Variants in ERG observed in about 807,000 individuals in gnomAD.
ERG encodes ETS transcription factor ERG, also known as transcriptional regulator ERG.
Under a neutral mutation model 55.3 loss-of-function variants are expected in ERG, and 9 were observed. The ratio of observed to expected loss-of-function variants is 0.16; its 90% CI spans 0.10 to 0.28. ERG has a LOEUF of 0.28. Among genes scored for constraint, ERG ranks in the 10% least tolerant of loss-of-function variants. ERG has a pLI of 1.00. For synonymous variants in ERG, 223 were observed against 237.3 expected (o/e 0.94, Z 0.55); for missense variants, 434 against 631.6 (o/e 0.69, Z 3.35).
intron 1 of ERG, among the ~76,000 whole-genome samples, chr21:38,493,878 A>G (rs957411743): frequency 1.7e-4 from 26 of 152,232 alleles, no homozygotes; most frequent in African/African-American, 6.3e-4. Context: ...ACATCAGAGC[A>G]GTCTATGGCT....
intron 3 of ERG, among the ~76,000 whole-genome samples, chr21:38,415,575 A>G (rs1989239699): frequency 6.6e-6 from 1 of 152,244 alleles, no homozygotes; most frequent in Non-Finnish European, 1.5e-5. Context: ...TCATATCGAC[A>G]GAGTGGAAGA....
Position 38,612,616 on chromosome 21 carries a change from C to T in ERG, c.-149-27671G>A, listed in dbSNP as rs927089683. On this transcript the variant is annotated intron_variant, in intron 1 of 10. Transcript: ENST00000398910. ...ATGAAAAACAGAGGAAAAAATGAAA[C>T]ACAGTAACTAACTAGGAACCATTAG... 2.0e-5 allele frequency among the ~76,000 whole-genome samples: 3 copies of T among 151,490 alleles called. No homozygotes were observed. The East Asian group carries it at 5.8e-4, about 29-fold the overall frequency.
At chr21:38,620,054 A>G (rs564193527) in intron 1 of ERG, among the ~76,000 whole-genome samples, 1 of 152,334 alleles carries the variant, frequency 6.6e-6, no homozygotes, top group African/African-American at 2.4e-5. Context: ...ACGCCAGCCA[A>G]GCTAAAGTGC....
At chr21:38,635,276 A>G (rs961871506) in intron 1 of ERG, among the ~76,000 whole-genome samples, 1 of 152,170 alleles carries the variant, frequency 6.6e-6, no homozygotes, top group Non-Finnish European at 1.5e-5. Flanking sequence ...GCCTACTATA[A>G]TAGTATAGCC....
intron 1 of ERG, among the ~76,000 whole-genome samples, chr21:38,654,900 G>A (rs2060509852): frequency 6.6e-6 from 1 of 151,824 alleles, no homozygotes; most frequent in Admixed American, 6.6e-5. Flanking sequence ...TGTGAGGTTG[G>A]GTATAATTTT....
chr21:38,445,389 C>A lies in ERG; in HGVS notation c.236+15G>T, dbSNP rs375095935. On this transcript the variant is annotated intron_variant, in intron 2 of 9. Coordinates refer to ENST00000288319, the MANE Select transcript of ERG (RefSeq NM_182918.4). ...ATGGGAGGTCAGGGAGAGAAAGGGG[C>A]GGAAGTCTCCTTACCTTGAGCCATT... The A allele has an allele frequency of 1.5e-5, 24 of 1,600,062 alleles. No individual in the cohort carries two copies. Among genetic ancestry groups the A allele is most frequent in the Middle Eastern group, 3.4e-4 (2 of 5,912 alleles).
chr21:38,454,272 G>A (rs920846337), intron 1 of ERG, among the ~76,000 whole-genome samples: 3 of 152,210 alleles, frequency 2.0e-5, no homozygotes, highest in Non-Finnish European at 2.9e-5. Flanking sequence ...GTCTGGTAGA[G>A]CACGGGAGCC....
intron 2 of ERG, among the ~76,000 whole-genome samples, chr21:38,528,354 G>T (rs185008490): frequency 6.7e-6 from 1 of 150,110 alleles, no homozygotes; most frequent in African/African-American, 2.5e-5. Flanking sequence ...CTTGAACCTG[G>T]ATTAGAACTT....
chr21:38,391,784 C>T (rs576184300), intron 7 of ERG, 69 bp from the exon 8 acceptor site: 3 of 1,217,582 alleles, frequency 2.5e-6, no homozygotes, highest in African/African-American at 3.0e-5. Flanking sequence ...GATGTTGTTG[C>T]ATAATCATTC....
intron 1 of ERG, among the ~76,000 whole-genome samples, chr21:38,640,695 G>A (rs774280298): frequency 1.3e-5 from 2 of 152,292 alleles, no homozygotes; most frequent in East Asian, 1.9e-4. Context: ...AGTCCACTAA[G>A]CCTCTTTTTC....
At chr21:38,558,919 G>T (rs2059875160) in intron 2 of ERG, among the ~76,000 whole-genome samples, 1 of 152,182 alleles carries the variant, frequency 6.6e-6, no homozygotes, top group Non-Finnish European at 1.5e-5. Flanking sequence ...GCAAGGAAAT[G>T]TAAAATAACA....
At chr21:38,391,379 T>C (rs1987963827) in intron 8 of ERG, among the ~76,000 whole-genome samples, 1 of 152,162 alleles carries the variant, frequency 6.6e-6, no homozygotes, top group Admixed American at 6.5e-5. Context: ...TGTTTAGGCA[T>C]GGAAAGTAAA....
chr21:38,375,196 G>C (rs1343438280), downstream of ERG, among the ~76,000 whole-genome samples: 1 of 152,182 alleles, frequency 6.6e-6, no homozygotes, highest in East Asian at 1.9e-4. Context: ...AAAGCAGCAA[G>C]GGCAGGATTT....
At chr21:38,653,050 G>A (rs754277253) in intron 1 of ERG, among the ~76,000 whole-genome samples, 23 of 152,130 alleles carry the variant, frequency 1.5e-4, no homozygotes, top group Admixed American at 5.2e-4. Context: ...ATGCACATTC[G>A]CCCACTTTCT....
chr21:38,530,113 G>T (rs952640943), intron 2 of ERG, among the ~76,000 whole-genome samples: 1 of 152,134 alleles, frequency 6.6e-6, no homozygotes, highest in African/African-American at 2.4e-5. Flanking sequence ...GAGCTGGAGT[G>T]CAATGGTGCG....
At chr21:38,503,015 A>G (rs964020451), upstream of ERG, among the ~76,000 whole-genome samples, 1 of 152,136 alleles carries the variant, frequency 6.6e-6, no homozygotes, top group Non-Finnish European at 1.5e-5. Context: ...GTGAGCCACC[A>G]CGCCCGGCCA....
chr21:38,370,468 G>A, the ERG span, among the ~76,000 whole-genome samples: 17 of 151,902 alleles, frequency 1.1e-4, no homozygotes, highest in East Asian at 3.9e-4. Context: ...ACAGGTTGTA[G>A]TTTTTATGTC....
rs184390028 is a variant in ERG, at chr21:38,503,642, T to C, written c.-41+72020A>G. Among the ~76,000 whole-genome samples the C allele has an allele frequency of 3.2e-3, 484 of 152,230 alleles. 1 individual carries two copies. Among genetic ancestry groups the C allele is most frequent in the Non-Finnish European group, 5.0e-3 (339 of 68,016 alleles). On this transcript the variant is annotated intron_variant, in intron 2 of 8. Coordinates refer to the ERG transcript ENST00000398897. ...ACGCAGGTTTTTAAGGACAAAACAA[T>C]AGGACAAAAGTGCTGTATATTGTCC...
chr21:38,367,744 T>G, the ERG span: 1 of 441,392 alleles, frequency 2.3e-6, no homozygotes, highest in African/African-American at 2.0e-5. Flanking sequence ...TGCACAGACT[T>G]TCATCAACAA....
Sources: allele counts gnomAD v4.1 joint callset (sites outside exome capture counted in the v4.1 genomes callset), GRCh38; gene constraint gnomAD v4.1.1; transcripts MANE v1.5; gene names NCBI Gene and HGNC (gene_info 2026-07-23, HGNC 2026-07-21).